MARF1: variants seen among roughly 807,000 people sequenced by gnomAD.
MARF1 encodes the protein limkain-b1.
In MARF1, 24 loss-of-function variants were observed where a neutral mutation model predicts 168.2. The ratio of observed to expected loss-of-function variants is 0.14; its 90% confidence interval spans 0.10 to 0.20. MARF1 has a LOEUF of 0.20. Among genes scored for constraint, MARF1 ranks in the 10% least tolerant of loss-of-function variants. The probability of loss-of-function intolerance (pLI) is 1.00; values close to 1 mark genes in which losing one functional copy is unlikely to be tolerated. For missense variants in MARF1, 1,744 were observed against 2,143.6 expected (o/e 0.81, Z 3.68); for synonymous variants, 868 against 822.4 (o/e 1.06, Z -0.95).
At chr16:15,634,309 G>C (rs1187759091) in intron 4 of MARF1, among the ~76,000 whole-genome samples, 2 of 152,172 alleles carry the variant, frequency 1.3e-5, no homozygotes, top group Non-Finnish European at 2.9e-5. Context: ...ATTAACATCT[G>C]ATTTAATATT....
intron 4 of MARF1, 73 bp downstream of exon 4, chr16:15,634,684 A>G: frequency 7.0e-7 from 1 of 1,420,844 alleles, no homozygotes; most frequent in Non-Finnish European, 9.7e-7. Context: ...TTCAAAGGTG[A>G]TTAAATGCAA....
chr16:15,612,869 G>T, intron 16 of MARF1, 92 bp from the exon 17 acceptor site: 1 of 1,043,356 alleles, frequency 9.6e-7, no homozygotes, highest in Non-Finnish European at 1.5e-6. Context: ...GCTTGAGTTC[G>T]ATCATGGGGA....
At chr16:15,612,012 G>C (rs886879875) in intron 17 of MARF1, among the ~76,000 whole-genome samples, 2 of 152,166 alleles carry the variant, frequency 1.3e-5, no homozygotes, top group Non-Finnish European at 2.9e-5. Context: ...AAGAAAAGTC[G>C]TGAGTACAGA....
intron 16 of MARF1, among the ~76,000 whole-genome samples, chr16:15,615,453 G>C (rs1236476027): frequency 1.3e-5 from 2 of 151,992 alleles, no homozygotes; most frequent in Non-Finnish European, 2.9e-5. Context: ...GTGAAACCCT[G>C]TCTCTACTAA....
chr16:15,633,175 CCACACACACACACACACA>C (rs140240605), intron 5 of MARF1, among the ~76,000 whole-genome samples: 1 of 136,928 alleles, frequency 7.3e-6, no homozygotes, highest in African/African-American at 2.7e-5. Context: ...AAAAAAAACA[CCACACACACACACACACA>C]CACACACACA....
chr16:15,608,615 G>A (rs2033237980), intron 20 of MARF1, 97 bp from the exon 21 acceptor site: 1 of 832,728 alleles, frequency 1.2e-6, no homozygotes, highest in Admixed American at 2.5e-5. Context: ...GAAAAAACAA[G>A]TCAGCGTTAC....
Position 15,596,548 on chromosome 16 carries a change from A to T in MARF1, c.*145T>A. 6.9e-6 allele frequency: 5 copies of T among 722,382 alleles called. No homozygotes were observed. Among genetic ancestry groups the T allele is most frequent in the Non-Finnish European group, 8.4e-6 (4 of 476,514 alleles). 44.7% of individuals were successfully genotyped at this position (722,382 alleles called of 1,614,324 possible). On this transcript the variant is annotated 3_prime_UTR_variant, in exon 27 of 27. Coordinates refer to ENST00000396368, the MANE Select transcript of MARF1 (RefSeq NM_014647.4). ...CTCAAAGCTGTGTTCAATGGAAAAGAAAAACATGATAGAACACAGGTAAGA... is the reference window on the plus strand; with the variant it reads ...CTCAAAGCTGTGTTCAATGGAAAAGTAAAACATGATAGAACACAGGTAAGA...
chr16:15,624,860 C>G lies in MARF1; in HGVS notation c.2179G>C (p.Val727Leu). 6.2e-7 allele frequency: 1 copy of G among 1,614,164 alleles called. No homozygotes were observed. The highest frequency in any genetic ancestry group is 8.5e-7 in the Non-Finnish European group (1 of 1,180,022). ...GCAGACGGGTAACTCACTTGGAATA[C>G]AGTCTCCTCTTTATCTTTTTTCTCT... The part of the protein sequence containing the change: ...PVEKKDKEET[V>L]FQVSYPSAFS... Residue 727 changes from valine to leucine, a missense_variant, in exon 10 of 27, where the codon GTA (valine) becomes CTA (leucine). Around this residue, in one of 7 missense-constraint regions of MARF1, gnomAD observed 270 missense variants for 260.6 expected, o/e 1.04. Coordinates refer to ENST00000396368, the MANE Select transcript of MARF1 (RefSeq NM_014647.4).
rs747310938 is a variant in MARF1 at position 15,602,494 on chromosome 16, C to CAAGACGAAGACGACGATGAAG, written c.4414-312_4414-292dup. 515 of 545,084 alleles carry CAAGACGAAGACGACGATGAAG rather than the reference C, an allele frequency of 9.4e-4. 1 individual carries two copies. Among genetic ancestry groups the CAAGACGAAGACGACGATGAAG allele is most frequent in the Non-Finnish European group, 8.7e-4 (264 of 301,986 alleles). The allele number at this position is 545,084 out of a possible 1,614,324, so 33.8% of individuals were successfully genotyped here. ...AAGACAAAGAACAAGAAGACGAAGA[C>CAAGACGAAGACGACGATGAAG]AAGACGAAGACGACGATGAAGAAGA... On this transcript the variant is annotated intron_variant, in intron 22 of 26. Coordinates refer to ENST00000396368, the MANE Select transcript of MARF1 (RefSeq NM_014647.4).
In MARF1 at chr16:15,601,091, T is replaced by C. The variant is rs1201781155; in HGVS notation, c.4627-390A>G. Reference sequence around the variant, plus strand: ...GAGCAATCTCTCAGACCCTTTAAACTAAGTTCATTATCAGCATCTTAAAGT... The same window carrying C: ...GAGCAATCTCTCAGACCCTTTAAACCAAGTTCATTATCAGCATCTTAAAGT... On this transcript the variant is annotated intron_variant, in intron 23 of 26. Transcript: ENST00000396368. 1.2e-5 allele frequency: 6 copies of C among 481,902 alleles called. No homozygotes were observed. In the East Asian group the frequency reaches 3.8e-4, roughly 30 times the overall value. The allele number at this position is 481,902 out of a possible 1,614,324, so 29.9% of individuals were successfully genotyped here.
At chr16:15,640,953 A>G (rs975656953) in intron 1 of MARF1, among the ~76,000 whole-genome samples, 13 of 152,192 alleles carry the variant, frequency 8.5e-5, no homozygotes, top group African/African-American at 1.9e-4. Flanking sequence ...AAAAATTAGC[A>G]TAGTGTGGCA....
chr16:15,637,370 C>G (rs747503264), intron 2 of MARF1, among the ~76,000 whole-genome samples: 1 of 152,210 alleles, frequency 6.6e-6, no homozygotes, highest in African/African-American at 2.4e-5. Context: ...GTCCATCTGA[C>G]GCCTAAAATT....
At chr16:15,623,890 T>G (rs1166559965) in intron 10 of MARF1, among the ~76,000 whole-genome samples, 1 of 151,724 alleles carries the variant, frequency 6.6e-6, no homozygotes, top group Non-Finnish European at 1.5e-5. Flanking sequence ...TGTAATTTTA[T>G]AGATCCATAG....
chr16:15,615,316 C>G (rs938592750), intron 16 of MARF1, among the ~76,000 whole-genome samples: 2 of 151,990 alleles, frequency 1.3e-5, no homozygotes, highest in African/African-American at 2.4e-5. Flanking sequence ...GACAACACAG[C>G]AAGGCCCTAT....
chr16:15,627,006 G>A (rs191803039), intron 7 of MARF1, among the ~76,000 whole-genome samples: 2 of 149,026 alleles, frequency 1.3e-5, no homozygotes, highest in South Asian at 4.2e-4. Flanking sequence ...AGTAGAACTG[G>A]AGAAAAAGAA....
chr16:15,602,788 CTG>C (rs1402534805), intron 22 of MARF1: 1 of 374,154 alleles, frequency 2.7e-6, no homozygotes, highest in East Asian at 7.4e-5. Context: ...GGGAGGCAAA[CTG>C]TGTTGGCAAA....
Position 15,611,621 on chromosome 16 carries a change from A to G in MARF1, c.3588T>C (p.Ile1196=), listed in dbSNP as rs375334719. The G allele has an allele frequency of 8.1e-5, 130 of 1,614,018 alleles. No homozygotes were observed. The highest frequency in any genetic ancestry group is 1.0e-4 in the Non-Finnish European group (122 of 1,180,006). The change falls in exon 18 of 27, where the codon ATT becomes ATC. Residue 1196 remains isoleucine, a synonymous_variant. Coordinates refer to ENST00000396368, the MANE Select transcript of MARF1 (RefSeq NM_014647.4). ...LLKSQASKQV[I]VREFSQAYHW... is the part of the protein sequence containing the mutation. ...GATAAGCCTGTGAGAATTCTCTCACAATGACCTGTTTGCTGGCCTGGGATT... is the reference window on the plus strand; with the variant it reads ...GATAAGCCTGTGAGAATTCTCTCACGATGACCTGTTTGCTGGCCTGGGATT...
chr16:15,611,840 ATGTAGAATGTG>A, intron 17 of MARF1, 106 bp from the exon 18 acceptor site: 7 of 870,532 alleles, frequency 8.0e-6, no homozygotes, highest in Non-Finnish European at 1.1e-5. Context: ...GACTCCCTTT[ATGTAGAATGTG>A]TGCAATTTGA....
At chr16:15,602,836 C>A (rs2032641956) in intron 22 of MARF1, 1 of 300,746 alleles carries the variant, frequency 3.3e-6, no homozygotes, top group African/African-American at 2.2e-5. Context: ...GGCCATTAAA[C>A]TGCACCTCCA....
Sources: gnomAD v4.1 joint callset for allele counts (sites outside exome capture counted in the v4.1 genomes callset) on GRCh38, gnomAD v4.1.1 for gene constraint, gnomAD v4.1.1 regional missense constraint, MANE v1.5 for transcripts, NCBI Gene and HGNC (gene_info 2026-07-23, HGNC 2026-07-21) for gene names.